Variants in VAV3 observed in about 807,000 individuals in gnomAD.
VAV3 encodes vav guanine nucleotide exchange factor 3.
A neutral mutation model predicts 131.2 loss-of-function variants in VAV3; 94 were observed. The ratio of observed to expected loss-of-function variants is 0.72; its 90% CI spans 0.61 to 0.85. VAV3 has a LOEUF of 0.85. Ranked by LOEUF, VAV3 falls within the 40% of genes least tolerant of loss-of-function variation. The pLI, the probability that VAV3 is intolerant of heterozygous loss-of-function variation, is 0.00. For synonymous variants in VAV3, 349 were observed against 342.0 expected (o/e 1.02, Z -0.22); for missense variants, 939 against 1,002.7 (o/e 0.94, Z 0.86).
At chr1:107,625,065 T>C (rs931754752) in intron 20 of VAV3, among the ~76,000 whole-genome samples, 12 of 152,094 alleles carry the variant, frequency 7.9e-5, no homozygotes, top group African/African-American at 2.9e-4. Flanking sequence ...TTGGCTTCAT[T>C]ATCCTCACCT....
chr1:107,808,863 T>C (rs78788276), intron 2 of VAV3, among the ~76,000 whole-genome samples: 22,914 of 152,068 alleles, frequency 0.15, 1,968 homozygotes, highest in East Asian at 0.29. Flanking sequence ...TATCAAAATA[T>C]TTATCCATAT....
intron 20 of VAV3, among the ~76,000 whole-genome samples, chr1:107,619,613 C>A (rs1191962349): frequency 6.6e-6 from 1 of 152,016 alleles, no homozygotes; most frequent in South Asian, 2.1e-4. Flanking sequence ...ACAAACAAGA[C>A]CTTTGAGAGT....
intron 2 of VAV3, among the ~76,000 whole-genome samples, chr1:107,797,078 G>T (rs941396628): frequency 6.6e-6 from 1 of 151,996 alleles, no homozygotes; most frequent in Non-Finnish European, 1.5e-5. Flanking sequence ...TTTTTTATTT[G>T]ATTATCAGCT....
chr1:107,788,617 C>T (rs114367251), intron 2 of VAV3, among the ~76,000 whole-genome samples: 1,640 of 152,282 alleles, frequency 0.011, 10 homozygotes, highest in South Asian at 0.03. Context: ...TTTACCATCC[C>T]CCGGTCCAAA....
At chr1:107,685,679 T>C (rs1303789704) in intron 18 of VAV3, 1 of 152,104 alleles carries the variant, frequency 6.6e-6, no homozygotes, top group African/African-American at 2.4e-5. Context: ...CCAACTGCAT[T>C]TGGAGAGGCT....
chr1:107,810,511 C>T (rs1667267683), intron 2 of VAV3, among the ~76,000 whole-genome samples: 1 of 152,070 alleles, frequency 6.6e-6, no homozygotes, highest in Admixed American at 6.6e-5. Flanking sequence ...TGCTATGAGA[C>T]ATGGAAGTTT....
At chr1:107,742,484 T>C (rs889639782) in intron 15 of VAV3, among the ~76,000 whole-genome samples, 1 of 152,210 alleles carries the variant, frequency 6.6e-6, no homozygotes, top group Non-Finnish European at 1.5e-5. Flanking sequence ...GATAATTTCA[T>C]TCTTTACTTA....
At chr1:107,963,742 TG>T (rs1272579501) in intron 1 of VAV3, 1 of 148,952 alleles carries the variant, frequency 6.7e-6, no homozygotes, top group Non-Finnish European at 1.5e-5. Context: ...GAAAGCAGTT[TG>T]GTTTTTTGTT....
At chr1:107,634,173 A>G (rs1654725412) in intron 20 of VAV3, among the ~76,000 whole-genome samples, 1 of 152,132 alleles carries the variant, frequency 6.6e-6, no homozygotes. Context: ...AGTCAATCCT[A>G]AGCCAAAAGA....
At chr1:107,749,112 T>C (rs1197269761) in intron 14 of VAV3, 35 bp from the exon 15 acceptor site, 5 of 1,369,074 alleles carry the variant, frequency 3.7e-6, no homozygotes, top group Non-Finnish European at 5.1e-6. Context: ...TTAATATGTA[T>C]CATTAATAAC....
chr1:107,777,373 C>A, intron 3 of VAV3, 77 bp from the exon 4 acceptor site: 1 of 1,313,564 alleles, frequency 7.6e-7, no homozygotes, highest in Non-Finnish European at 1.1e-6. Context: ...GCGCACTTAA[C>A]CCTCACTAAA....
chr1:107,748,562 G>C (rs1663503245), intron 15 of VAV3, among the ~76,000 whole-genome samples: 2 of 152,076 alleles, frequency 1.3e-5, no homozygotes, highest in South Asian at 4.1e-4. Flanking sequence ...TAAGATATAT[G>C]CATTTACATA....
chr1:107,661,623 A>G (rs1657023419), intron 19 of VAV3, among the ~76,000 whole-genome samples: 1 of 152,204 alleles, frequency 6.6e-6, no homozygotes, highest in South Asian at 2.1e-4. Flanking sequence ...TAATCTCTCA[A>G]TAAAAGTTTG....
At chr1:107,749,770 T>C (rs1308035034) in intron 13 of VAV3, among the ~76,000 whole-genome samples, 176 bp from the exon 14 acceptor site, 1 of 152,168 alleles carries the variant, frequency 6.6e-6, no homozygotes, top group Admixed American at 6.5e-5. Flanking sequence ...GGAATTTCCC[T>C]TTACCTTGTA....
intron 20 of VAV3, among the ~76,000 whole-genome samples, chr1:107,625,590 A>G (rs1050130627): frequency 6.6e-5 from 10 of 152,126 alleles, no homozygotes; most frequent in African/African-American, 2.2e-4. Context: ...GATAGCATTT[A>G]TTTACAGAAG....
intron 1 of VAV3, among the ~76,000 whole-genome samples, chr1:107,884,789 T>TA (rs998338048): frequency 1.3e-5 from 2 of 152,024 alleles, no homozygotes; most frequent in Admixed American, 1.3e-4. Flanking sequence ...TAAAAATTTT[T>TA]AAAAATATGG....
chr1:107,684,691 T>C (rs1174803697), intron 18 of VAV3, among the ~76,000 whole-genome samples: 1 of 152,222 alleles, frequency 6.6e-6, no homozygotes, highest in Non-Finnish European at 1.5e-5. Flanking sequence ...ATTGAAGCTA[T>C]GTTGAGCAAG....
At chr1:107,744,913 T>G (rs567909101) in intron 15 of VAV3, among the ~76,000 whole-genome samples, 1 of 152,322 alleles carries the variant, frequency 6.6e-6, no homozygotes, top group South Asian at 2.1e-4. Flanking sequence ...TTGTACACAT[T>G]TGCTCAAATG....
intron 2 of VAV3, among the ~76,000 whole-genome samples, chr1:107,858,602 T>G (rs2100977620): frequency 6.6e-6 from 1 of 152,264 alleles, no homozygotes; most frequent in East Asian, 1.9e-4. Context: ...CTGTGAACTG[T>G]GCAAGCGAGG....
Sources: allele counts gnomAD v4.1 joint callset (sites outside exome capture counted in the v4.1 genomes callset), GRCh38; gene constraint gnomAD v4.1.1; transcripts MANE v1.5; gene names NCBI Gene and HGNC (gene_info 2026-07-23, HGNC 2026-07-21).